The following CAMKMT variants were observed in gnomAD, a reference collection of about 807,000 sequenced individuals.
CAMKMT encodes CaM KMT.
In CAMKMT, 53 loss-of-function variants were observed where a neutral mutation model predicts 48.0. The ratio of observed to expected loss-of-function variants is 1.10; its 90% CI spans 0.89 to 1.39. The LOEUF (loss-of-function observed/expected upper bound fraction) is 1.39, where lower values mean the gene tolerates loss of function less well. CAMKMT is among the 40% of genes most tolerant of loss of function. The probability of loss-of-function intolerance (pLI) is 0.00; values close to 1 mark genes in which losing one functional copy is unlikely to be tolerated. For missense variants in CAMKMT, 428 were observed against 402.7 expected (o/e 1.06, Z -0.54); for synonymous variants, 165 against 152.3 (o/e 1.08, Z -0.61).
intron 4 of CAMKMT, among the ~76,000 whole-genome samples, chr2:44,704,704 A>G (rs1250837863): frequency 1.3e-5 from 2 of 150,744 alleles, no homozygotes; most frequent in Admixed American, 1.3e-4. Flanking sequence ...AAAAAAACCA[A>G]TAAAGACATT....
In CAMKMT at chr2:44,492,701, C is replaced by T. The variant is rs1257295972; in HGVS notation, c.376+102396C>T. On this transcript the variant is annotated intron_variant, in intron 3 of 10. Transcript: ENST00000378494. ...TTGGTGTCAATCAGTGGTAATGATA[C>T]AATCCATGACAAAATATTTTTTGTT... 2.0e-5 allele frequency among the ~76,000 whole-genome samples: 3 copies of T among 152,072 alleles called. No homozygotes were observed. The East Asian group carries it at 5.8e-4, about 29-fold the overall frequency.
At chr2:44,666,860 G>T (rs965327629) in intron 3 of CAMKMT, among the ~76,000 whole-genome samples, 1 of 152,030 alleles carries the variant, frequency 6.6e-6, no homozygotes, top group Non-Finnish European at 1.5e-5. Context: ...TGCCCGCCTC[G>T]GCCTCCCAAA....
chr2:44,712,997 A>G (rs1409918956), intron 6 of CAMKMT, among the ~76,000 whole-genome samples: 2 of 152,108 alleles, frequency 1.3e-5, no homozygotes, highest in African/African-American at 4.8e-5. Context: ...ATTTAAAAAA[A>G]CCTCTTAAAC....
chr2:44,667,260 G>A (rs1675043234), intron 3 of CAMKMT, among the ~76,000 whole-genome samples: 1 of 152,144 alleles, frequency 6.6e-6, no homozygotes. Flanking sequence ...CTTCCCATAA[G>A]GGACTATGTT....
chr2:44,460,017 T>C (rs1326780039), intron 3 of CAMKMT, among the ~76,000 whole-genome samples: 1 of 152,180 alleles, frequency 6.6e-6, no homozygotes, highest in Non-Finnish European at 1.5e-5. Flanking sequence ...GTCAAACTGA[T>C]AGAGTTGGCA....
chr2:44,510,356 T>C (rs923386259), intron 3 of CAMKMT, among the ~76,000 whole-genome samples: 2 of 152,170 alleles, frequency 1.3e-5, no homozygotes, highest in Non-Finnish European at 2.9e-5. Context: ...CATGATTACA[T>C]TGAGATTTTA....
intron 3 of CAMKMT, among the ~76,000 whole-genome samples, chr2:44,611,414 CAA>C (rs933990736): frequency 2.0e-5 from 3 of 146,912 alleles, no homozygotes; most frequent in Non-Finnish European, 4.5e-5. Flanking sequence ...GACTGGGGGA[CAA>C]GAGCAAGACT....
chr2:44,656,455 G>A (rs1674382743), intron 3 of CAMKMT, among the ~76,000 whole-genome samples: 1 of 152,018 alleles, frequency 6.6e-6, no homozygotes, highest in Non-Finnish European at 1.5e-5. Flanking sequence ...TGTAAACTCA[G>A]GTACATTACA....
intron 7 of CAMKMT, among the ~76,000 whole-genome samples, chr2:44,719,859 G>A (rs1300592087): frequency 6.6e-6 from 1 of 152,260 alleles, no homozygotes; most frequent in Non-Finnish European, 1.5e-5. Context: ...ACTGAGATAA[G>A]GAAGCTGAAG....
intron 3 of CAMKMT, chr2:44,400,658 T>A (rs1020076402): frequency 3.3e-5 from 5 of 152,034 alleles, no homozygotes; most frequent in Admixed American, 1.3e-4. Flanking sequence ...ATCATTAATC[T>A]TTGGGAAATA....
At chr2:44,471,293 A>C (rs1037893166) in intron 3 of CAMKMT, among the ~76,000 whole-genome samples, 1 of 152,010 alleles carries the variant, frequency 6.6e-6, no homozygotes, top group African/African-American at 2.4e-5. Context: ...GCCCGGCTCT[A>C]ATGTTTCTTC....
chr2:44,363,688 CTTTTT>C (rs577698393), intron 1 of CAMKMT, among the ~76,000 whole-genome samples: 1 of 127,798 alleles, frequency 7.8e-6, no homozygotes, highest in Admixed American at 8.0e-5. Context: ...CAACCCCCTT[CTTTTT>C]TTTTTTTTTT....
At chr2:44,402,060 C>G (rs538643889) in intron 3 of CAMKMT, among the ~76,000 whole-genome samples, 1 of 152,232 alleles carries the variant, frequency 6.6e-6, no homozygotes, top group African/African-American at 2.4e-5. Context: ...GGCGCGGTGG[C>G]TCACGCCTAT....
intron 3 of CAMKMT, among the ~76,000 whole-genome samples, chr2:44,463,917 A>T (rs1381977199): frequency 6.6e-6 from 1 of 152,196 alleles, no homozygotes; most frequent in Non-Finnish European, 1.5e-5. Flanking sequence ...AAAAATCACA[A>T]CAAAAAATAA....
At chr2:44,463,961 A>C (rs1281511456) in intron 3 of CAMKMT, among the ~76,000 whole-genome samples, 9 of 152,214 alleles carry the variant, frequency 5.9e-5, no homozygotes, top group African/African-American at 2.2e-4. Context: ...AATCAGTCAA[A>C]GAAACAAAAT....
At chr2:44,597,656 T>C (rs182710293) in intron 3 of CAMKMT, among the ~76,000 whole-genome samples, 30 of 152,358 alleles carry the variant, frequency 2.0e-4, no homozygotes, top group Non-Finnish European at 1.5e-4. Context: ...AGCAATTACA[T>C]TGAAATACAG....
chr2:44,577,315 G>A (rs1669275202), intron 3 of CAMKMT, among the ~76,000 whole-genome samples: 2 of 152,180 alleles, frequency 1.3e-5, no homozygotes, highest in South Asian at 4.1e-4. Context: ...AGGGGTAGCT[G>A]ACCTGCATGC....
chr2:44,589,883 T>TAAAAAAAAAAAAAAAAA (rs1218817837), intron 3 of CAMKMT, among the ~76,000 whole-genome samples: 4 of 23,224 alleles, frequency 1.7e-4, no homozygotes, highest in East Asian at 7.9e-4. Context: ...GAATGATCAA[T>TAAAAAAAAAAAAAAAAA]AAAAAAAAAA....
At chr2:44,716,895 G>GTTTT (rs1329383490) in intron 7 of CAMKMT, among the ~76,000 whole-genome samples, 1 of 152,136 alleles carries the variant, frequency 6.6e-6, no homozygotes, top group Non-Finnish European at 1.5e-5. Flanking sequence ...GAGAGATTGT[G>GTTTT]TTTTTACAAG....
Sources: gnomAD v4.1 joint callset for allele counts (sites outside exome capture counted in the v4.1 genomes callset) on GRCh38, gnomAD v4.1.1 for gene constraint, MANE v1.5 for transcripts, NCBI Gene and HGNC (gene_info 2026-07-23, HGNC 2026-07-21) for gene names.